Variants in PARD3B observed in about 807,000 individuals in gnomAD.
PARD3B encodes par-3 family cell polarity regulator beta, also known as partitioning defective 3 homolog B.
PARD3B carries 103 observed loss-of-function variants against 130.2 expected under a neutral mutation model. The observed-to-expected ratio is 0.79, with a 90% CI of 0.67 to 0.93. The LOEUF is 0.93. PARD3B is among the 40% of genes least tolerant of loss of function. The pLI is 0.00. For synonymous variants in PARD3B, 583 were observed against 553.2 expected (o/e 1.05, Z -0.76); for missense variants, 1,609 against 1,499.2 (o/e 1.07, Z -1.21).
At chr2:205,119,485 A>G (rs528290197) in intron 7 of PARD3B, among the ~76,000 whole-genome samples, 115 of 152,252 alleles carry the variant, frequency 7.6e-4, no homozygotes, top group African/African-American at 2.7e-3. Context: ...CAGAAAAAAT[A>G]AAATACCGTC....
Position 205,021,608 on chromosome 2 carries a change from C to G in PARD3B, c.395-25973C>G, listed in dbSNP as rs1465734888. Among the ~76,000 whole-genome samples the G allele has an allele frequency of 7.0e-6, 1 of 143,258 alleles. No homozygotes were observed. The highest frequency in any genetic ancestry group is 2.6e-5 in the African/African-American group (1 of 39,008). 94.0% of individuals were successfully genotyped at this position (143,258 alleles called of 152,430 possible). A position where few individuals can be genotyped will look rare whatever the true frequency, so the allele number is the denominator to read the frequency against. ...TCTCTCTTCTCTTCTCTCTCTCTCT[C>G]TCTCTCTCTCTCCCTCTCTCTTTCT... On this transcript the variant is annotated intron_variant, in intron 3 of 22. Coordinates refer to ENST00000406610, the MANE Select transcript of PARD3B (RefSeq NM_001302769.2). This position sits in a 1 kb window ranked among gnomAD's most constrained non-coding sequence, Gnocchi z 4.5.
chr2:204,630,374 C>T (rs1414950402), intron 1 of PARD3B, among the ~76,000 whole-genome samples: 1 of 151,998 alleles, frequency 6.6e-6, no homozygotes, highest in African/African-American at 2.4e-5. Flanking sequence ...TTTGGAAGCA[C>T]ATGAGTGATT....
In PARD3B at chr2:205,121,725, T is replaced by C; in HGVS notation, c.941T>C (p.Leu314Ser). 1 of 1,614,140 alleles carries C rather than the reference T, an allele frequency of 6.2e-7. No individual in the cohort carries two copies. Among genetic ancestry groups the C allele is most frequent in the East Asian group, 2.2e-5 (1 of 44,876 alleles). Residue 314 changes from leucine (L) to serine (S), a missense_variant, in exon 8 of 23, where the codon TTG (leucine) becomes TCG (serine). Transcript: ENST00000406610. The surrounding 1 kb of genome is among the most constrained non-coding windows in gnomAD (Gnocchi z 5.0). The stretch of plus-strand genomic sequence containing the variant: ...ATTTTTGGTAATAATGATGGCGTTT[T>C]GAAAACCAAAGTGCCGCCTCCTGTC... ...LNIFGNNDGV[L>S]KTKVPPPVHG...
chr2:204,652,156 C>T (rs1222811993), intron 1 of PARD3B, among the ~76,000 whole-genome samples: 1 of 152,162 alleles, frequency 6.6e-6, no homozygotes, highest in Non-Finnish European at 1.5e-5. Flanking sequence ...ATTTCTGCAG[C>T]TTTGAATCAC....
At chr2:205,556,127 C>T (rs1575349556) in intron 22 of PARD3B, among the ~76,000 whole-genome samples, 1 of 152,118 alleles carries the variant, frequency 6.6e-6, no homozygotes, top group South Asian at 2.1e-4. Flanking sequence ...TCGGTAGGCA[C>T]CGGATCCCTC....
chr2:205,228,515 C>G (rs560997289), intron 15 of PARD3B, among the ~76,000 whole-genome samples: 1 of 152,090 alleles, frequency 6.6e-6, no homozygotes, highest in African/African-American at 2.4e-5. Flanking sequence ...TTTCTTTTCT[C>G]TTGCTGCTTT....
chr2:204,578,201 A>G (rs2032367457), intron 1 of PARD3B, among the ~76,000 whole-genome samples: 1 of 152,188 alleles, frequency 6.6e-6, no homozygotes, highest in African/African-American at 2.4e-5. Flanking sequence ...ACAGTTCTGC[A>G]AGATATTTTT....
At chr2:204,721,102 G>A in intron 2 of PARD3B, among the ~76,000 whole-genome samples, 1 of 152,162 alleles carries the variant, frequency 6.6e-6, no homozygotes, top group Middle Eastern at 3.2e-3. Context: ...AGCAGGGTGG[G>A]GAAAGGTAGT....
At chr2:204,660,550 G>T (rs11691772) in intron 1 of PARD3B, among the ~76,000 whole-genome samples, 101,569 of 151,954 alleles carry the variant, frequency 0.67, 37,337 homozygotes, top group South Asian at 0.81. Context: ...GTCTCTGGAA[G>T]GAGTTCAGAT....
chr2:204,923,873 G>A (rs1346918831), intron 2 of PARD3B, among the ~76,000 whole-genome samples: 1 of 152,010 alleles, frequency 6.6e-6, no homozygotes, highest in African/African-American at 2.4e-5. Context: ...AATTTCAGTT[G>A]CAGTATGTTA....
At chr2:205,410,481 C>A (rs2046560022) in intron 19 of PARD3B, among the ~76,000 whole-genome samples, 1 of 151,980 alleles carries the variant, frequency 6.6e-6, no homozygotes, top group African/African-American at 2.4e-5. Flanking sequence ...ATTTTTAGTA[C>A]CATGAAATAA....
chr2:205,204,282 C>T (rs949779310), intron 15 of PARD3B, among the ~76,000 whole-genome samples: 1 of 152,116 alleles, frequency 6.6e-6, no homozygotes, highest in Non-Finnish European at 1.5e-5. Flanking sequence ...TATCCTTCAC[C>T]CACTTTTTGA....
In PARD3B at chr2:205,562,669, G is replaced by A. The variant is rs1012700946; in HGVS notation, c.3260+9266G>A. 3.3e-5 allele frequency among the ~76,000 whole-genome samples: 5 copies of A among 152,188 alleles called. No individual in the cohort carries two copies. Among genetic ancestry groups the A allele is most frequent in the East Asian group, 1.9e-4 (1 of 5,194 alleles). ...TTTTGTGCCTAGGCATCTGCTTAGA[G>A]TATTGCTCTATATCTCATTTCTCAT... On this transcript the variant is annotated intron_variant, in intron 22 of 22. Transcript: ENST00000406610. The surrounding 1 kb of genome is among the most constrained non-coding windows in gnomAD (Gnocchi z 5.4).
intron 2 of PARD3B, among the ~76,000 whole-genome samples, chr2:204,805,769 C>T (rs915904893): frequency 6.6e-6 from 1 of 152,072 alleles, no homozygotes; most frequent in Non-Finnish European, 1.5e-5. Flanking sequence ...ACATACAAAC[C>T]AATCAAAGTG....
chr2:205,250,959 T>C (rs1248453502), intron 16 of PARD3B, among the ~76,000 whole-genome samples: 1 of 151,980 alleles, frequency 6.6e-6, no homozygotes, highest in Non-Finnish European at 1.5e-5. Context: ...AATAAAAAAC[T>C]TGACCTCTCA....
intron 10 of PARD3B, among the ~76,000 whole-genome samples, chr2:205,153,626 C>T (rs568861328): frequency 1.1e-4 from 17 of 152,268 alleles, no homozygotes; most frequent in African/African-American, 1.9e-4. Flanking sequence ...AGAGGCATCA[C>T]GCTACCTGAC....
chr2:204,884,191 C>T (rs1002335000), intron 2 of PARD3B, among the ~76,000 whole-genome samples: 3 of 152,012 alleles, frequency 2.0e-5, no homozygotes, highest in South Asian at 2.1e-4. Context: ...ATGATATTGT[C>T]GCCAGTGAGA....
At chr2:205,487,413 A>G (rs145250068) in intron 20 of PARD3B, among the ~76,000 whole-genome samples, 1 of 152,222 alleles carries the variant, frequency 6.6e-6, no homozygotes, top group African/African-American at 2.4e-5. Flanking sequence ...TTCACTTTTC[A>G]CTATGCACTA....
rs866020033 is a variant in PARD3B at position 205,584,535 on chromosome 2, G to A, written c.3261-30921G>A. 3.9e-5 allele frequency among the ~76,000 whole-genome samples: 6 copies of A among 151,940 alleles called. No individual in the cohort carries two copies. The highest frequency in any genetic ancestry group is 6.6e-5 in the Admixed American group (1 of 15,250). On this transcript the variant is annotated intron_variant, in intron 22 of 22. Transcript: ENST00000406610. This position sits in a 1 kb window ranked among gnomAD's most constrained non-coding sequence, Gnocchi z 5.5. ...CCTACTAAAAATACAAAAATTAGCCGGGTGTGGTGGCGGGTGCCTGTAATC... is the reference window on the plus strand; with the variant it reads ...CCTACTAAAAATACAAAAATTAGCCAGGTGTGGTGGCGGGTGCCTGTAATC...
Sources: allele counts gnomAD v4.1 joint callset (sites outside exome capture counted in the v4.1 genomes callset), GRCh38; gene constraint gnomAD v4.1.1; non-coding constraint Gnocchi (gnomAD v3.1); transcripts MANE v1.5; gene names NCBI Gene and HGNC (gene_info 2026-07-23, HGNC 2026-07-21).